SWSAP1: variants seen among roughly 807,000 people sequenced by gnomAD.
SWSAP1 encodes SWIM-type zinc finger 7 associated protein 1, also known as ATPase SWSAP1.
In SWSAP1, 4 loss-of-function variants were observed where a neutral mutation model predicts 5.6. That is an observed-to-expected ratio of 0.72 (90% confidence interval 0.35 to 1.64). The LOEUF (loss-of-function observed/expected upper bound fraction) is 1.64, where lower values mean the gene tolerates loss of function less well. SWSAP1 is among the 40% of genes most tolerant of loss of function. The probability of loss-of-function intolerance (pLI) is 0.05; values close to 1 mark genes in which losing one functional copy is unlikely to be tolerated. For missense variants in SWSAP1, 354 were observed against 319.8 expected, an observed-to-expected ratio of 1.11 and a Z score of -0.82; for synonymous variants, 139 against 143.3, an observed-to-expected ratio of 0.97 and a Z score of 0.22.
At position 11,374,690 on chromosome 19, in the gene SWSAP1, A is replaced by G. The variant is rs1968253796; in HGVS notation, c.10A>G (p.Thr4Ala). 1 of 1,539,092 alleles carries G rather than the reference A, an allele frequency of 6.5e-7. No homozygotes were observed. The highest frequency in any genetic ancestry group is 2.3e-5 in the Admixed American group (1 of 44,396). Residue 4 changes from threonine (T) to alanine (A), a missense_variant, in exon 1 of 2, where the codon ACG (threonine) becomes GCG (alanine). Thr to Ala is a moderately conservative substitution (Grantham distance 58, BLOSUM62 0). Transcript: ENST00000674460. MAE[T>A]LRRVLTRGGA... ...CAGAGCTACGCGGCGAATGGCGGAG[A>G]CGCTGAGGCGGGTGCTAACCAGGGG...
At position 11,376,019 on chromosome 19, in the gene SWSAP1, T is replaced by G. The variant is rs1407281350; in HGVS notation, c.*3T>G. The G allele has an allele frequency of 1.3e-6, 2 of 1,584,306 alleles. No homozygotes were observed. The highest frequency in any genetic ancestry group is 3.5e-5 in the Admixed American group (2 of 57,004). On this transcript the variant is annotated 3_prime_UTR_variant, in exon 2 of 2. Transcript: ENST00000674460. ...CAAGCTCTGGAGGCCAGCCCTGAGC[T>G]TTGGTGGGTGACTACCTCTCTGTGC...
At chr19:11,375,069 G>C in intron 1 of SWSAP1, 140 bp downstream of exon 1, 3 of 1,076,400 alleles carry the variant, frequency 2.8e-6, no homozygotes, top group Non-Finnish European at 4.1e-6. Context: ...AGTCAGGCAG[G>C]CGGAGTGAGG....
At chr19:11,375,084 G>A in intron 1 of SWSAP1, 155 bp downstream of exon 1, 1 of 925,016 alleles carries the variant, frequency 1.1e-6, no homozygotes. Flanking sequence ...GTGAGGAGTG[G>A]CACCACGCGG....
Position 11,374,731 on chromosome 19 carries a change from C to T in SWSAP1, c.51C>T (p.Ser17=), listed in dbSNP as rs757264686. Residue 17 remains serine, a synonymous_variant, in exon 1 of 2, where the codon TCC becomes TCT. Coordinates refer to ENST00000674460, the MANE Select transcript of SWSAP1 (RefSeq NM_175871.4). ...TAACCAGGGGCGGTGCGGCCTGGTC[C>T]GGGGAGGAGAACATGCCTGCCGCCG... ...RVLTRGGAAW[S]GEENMPAAGP... 12 of 1,604,616 alleles carry T rather than the reference C, an allele frequency of 7.5e-6. No individual in the cohort carries two copies. The highest frequency in any genetic ancestry group is 9.3e-6 in the Non-Finnish European group (11 of 1,176,588).
Position 11,374,851 on chromosome 19 carries a change from A to C in SWSAP1, c.171A>C (p.Pro57=), listed in dbSNP as rs773973835. The C allele has an allele frequency of 6.2e-7, 1 of 1,612,440 alleles. No homozygotes were observed. Among genetic ancestry groups the C allele is most frequent in the Non-Finnish European group, 8.5e-7 (1 of 1,179,196 alleles). ...AGGCGGCGGGGGAGGGCCAAGGCCC[A>C]GTCCTCTTCCTGACACGAAGGCCTC... is the stretch of plus-strand genomic sequence containing the variant. ...ALEAAGEGQG[P]VLFLTRRPLQ... Residue 57 remains proline, a synonymous_variant, in exon 1 of 2, where the codon CCA becomes CCC. Coordinates refer to ENST00000674460, the MANE Select transcript of SWSAP1 (RefSeq NM_175871.4).
At position 11,374,822 on chromosome 19, in the gene SWSAP1, C is replaced by G. The variant is rs750042934; in HGVS notation, c.142C>G (p.Leu48Val). 8 of 1,614,010 alleles carry G rather than the reference C, an allele frequency of 5.0e-6. No homozygotes were observed. The South Asian group carries it at 7.7e-5, about 16-fold the overall frequency. Reference protein sequence around the residue: ...GKTALLFAAALEAAGEGQGPV... With the variant: ...GKTALLFAAAVEAAGEGQGPV... ...AACAGCGCTGCTATTTGCTGCGGCCCTAGAGGCGGCGGGGGAGGGCCAAGG... is the reference window on the plus strand; with the variant it reads ...AACAGCGCTGCTATTTGCTGCGGCCGTAGAGGCGGCGGGGGAGGGCCAAGG... Residue 48 changes from leucine (L) to valine (V), a missense_variant, in exon 1 of 2, where the codon CTA (leucine) becomes GTA (valine). Coordinates refer to ENST00000674460, the MANE Select transcript of SWSAP1 (RefSeq NM_175871.4).
Position 11,374,865 on chromosome 19 carries a change from C to T in SWSAP1, c.185C>T (p.Thr62Ile), listed in dbSNP as rs760367345. 1.7e-5 allele frequency: 27 copies of T among 1,614,028 alleles called. No homozygotes were observed. Among genetic ancestry groups the T allele is most frequent in the Non-Finnish European group, 2.2e-5 (26 of 1,180,042 alleles). Residue 62 changes from threonine to isoleucine, a missense_variant, in exon 1 of 2, where the codon ACA becomes ATA. Transcript: ENST00000674460. ...GEGQGPVLFL[T>I]RRPLQSMPRG... ...GGCCAAGGCCCAGTCCTCTTCCTGA[C>T]ACGAAGGCCTCTTCAAAGCATGCCC...
At chr19:11,374,990 G>A in intron 1 of SWSAP1, 61 bp downstream of exon 1, 1 of 1,590,852 alleles carries the variant, frequency 6.3e-7, no homozygotes, top group South Asian at 1.1e-5. Context: ...CCGGGATATT[G>A]AGTAACAGGT....
chr19:11,374,702 G>C lies in SWSAP1; in HGVS notation c.22G>C (p.Val8Leu), dbSNP rs775632539. Residue 8 changes from valine to leucine, a missense_variant, in exon 1 of 2, where the codon GTG becomes CTG. Coordinates refer to ENST00000674460, the MANE Select transcript of SWSAP1 (RefSeq NM_175871.4). The part of the protein sequence containing the change: MAETLRR[V>L]LTRGGAAWSG... The stretch of plus-strand genomic sequence containing the variant: ...GCGAATGGCGGAGACGCTGAGGCGG[G>C]TGCTAACCAGGGGCGGTGCGGCCTG... The C allele has an allele frequency of 2.6e-6, 4 of 1,566,974 alleles. No individual in the cohort carries two copies. The highest frequency in any genetic ancestry group is 2.3e-5 in the South Asian group (2 of 87,644).
Position 11,375,712 on chromosome 19 carries a change from T to G in SWSAP1, c.449T>G (p.Leu150Arg). The G allele has an allele frequency of 1.9e-6, 3 of 1,614,230 alleles. No individual in the cohort carries two copies. Among genetic ancestry groups the G allele is most frequent in the Non-Finnish European group, 2.5e-6 (3 of 1,180,026 alleles). The change falls in exon 2 of 2, where the codon CTT (leucine) becomes CGT (arginine). Residue 150 changes from leucine (L) to arginine (R), a missense_variant. Coordinates refer to ENST00000674460, the MANE Select transcript of SWSAP1 (RefSeq NM_175871.4). ...ACAGCTGCCCACTTCAGCCACCGGCTTGGGCCTGGCCGGGATTGTGGGCTC... is the reference window on the plus strand; with the variant it reads ...ACAGCTGCCCACTTCAGCCACCGGCGTGGGCCTGGCCGGGATTGTGGGCTC... ...LDTAAHFSHR[L>R]GPGRDCGLMV...
chr19:11,374,802 C>T lies in SWSAP1; in HGVS notation c.122C>T (p.Ala41Val). The part of the protein sequence containing the change: ...LLGTPGSGKT[A>V]LLFAAALEAA... ...GGTACACCAGGATCTGGAAAAACAG[C>T]GCTGCTATTTGCTGCGGCCCTAGAG... The change falls in exon 1 of 2, where the codon GCG becomes GTG. Residue 41 changes from alanine (A) to valine (V), a missense_variant. By Grantham distance (64) the Ala-to-Val change is moderately conservative (BLOSUM62 0). Coordinates refer to ENST00000674460, the MANE Select transcript of SWSAP1 (RefSeq NM_175871.4). 10 of 1,613,808 alleles carry T rather than the reference C, an allele frequency of 6.2e-6. No individual in the cohort carries two copies. The highest frequency in any genetic ancestry group is 8.5e-6 in the Non-Finnish European group (10 of 1,179,908).
chr19:11,375,052 G>T, intron 1 of SWSAP1, 123 bp downstream of exon 1: 8 of 1,288,534 alleles, frequency 6.2e-6, no homozygotes, highest in Non-Finnish European at 8.7e-6. Flanking sequence ...CAGCCACGAT[G>T]GGGCGGAGTC....
At chr19:11,375,459 G>A in intron 1 of SWSAP1, 54 bp from the exon 2 acceptor site, 39 of 1,544,760 alleles carry the variant, frequency 2.5e-5, no homozygotes, top group Non-Finnish European at 3.3e-5. Context: ...TTACTTTTAA[G>A]GAGTCTGGCT....
chr19:11,374,847 G>T lies in SWSAP1; in HGVS notation c.167G>T (p.Gly56Val). ...AALEAAGEGQ[G>V]PVLFLTRRPL... is the part of the protein sequence containing the mutation. ...CTAGAGGCGGCGGGGGAGGGCCAAG[G>T]CCCAGTCCTCTTCCTGACACGAAGG... The change falls in exon 1 of 2, where the codon GGC (glycine) becomes GTC (valine). Residue 56 changes from glycine (G) to valine (V), a missense_variant. Coordinates refer to ENST00000674460, the MANE Select transcript of SWSAP1 (RefSeq NM_175871.4). 6.2e-7 allele frequency: 1 copy of T among 1,613,892 alleles called. No individual in the cohort carries two copies. The highest frequency in any genetic ancestry group is 8.5e-7 in the Non-Finnish European group (1 of 1,179,986).
In SWSAP1 at chr19:11,375,608, G is replaced by A; in HGVS notation, c.345G>A (p.Leu115=). ...EAPGPAPSLL[L]LDGLEEYLAE... ...CGGGGCCAGCCCCCTCCCTTCTGCT[G>A]CTCGACGGCCTAGAAGAGTACCTAG... is the stretch of plus-strand genomic sequence containing the variant. Residue 115 remains leucine, a synonymous_variant, in exon 2 of 2, where the codon CTG becomes CTA. Transcript: ENST00000674460. The A allele has an allele frequency of 6.2e-7, 1 of 1,614,126 alleles. No individual in the cohort carries two copies.
Position 11,374,872 on chromosome 19 carries a change from G to T in SWSAP1, c.192G>T (p.Arg64Ser). 3.1e-6 allele frequency: 5 copies of T among 1,614,018 alleles called. No individual in the cohort carries two copies. The highest frequency in any genetic ancestry group is 4.2e-6 in the Non-Finnish European group (5 of 1,180,034). Residue 64 changes from arginine (R) to serine (S), a missense_variant, in exon 1 of 2, where the codon AGG (arginine) becomes AGT (serine). Transcript: ENST00000674460. The part of the protein sequence containing the change: ...GQGPVLFLTR[R>S]PLQSMPRGTG... ...GCCCAGTCCTCTTCCTGACACGAAGGCCTCTTCAAAGCATGCCCCGCGGGA... is the reference window on the plus strand; with the variant it reads ...GCCCAGTCCTCTTCCTGACACGAAGTCCTCTTCAAAGCATGCCCCGCGGGA...
At chr19:11,375,179 A>G (rs1402200557) in intron 1 of SWSAP1, among the ~76,000 whole-genome samples, 7 of 152,280 alleles carry the variant, frequency 4.6e-5, no homozygotes, top group African/African-American at 9.6e-5. Flanking sequence ...AGTCCGGCCC[A>G]TCAAGGGGCG....
At position 11,374,843 on chromosome 19, in the gene SWSAP1, C is replaced by G; in HGVS notation, c.163C>G (p.Gln55Glu). The G allele has an allele frequency of 6.2e-7, 1 of 1,613,652 alleles. No homozygotes were observed. Among genetic ancestry groups the G allele is most frequent in the South Asian group, 1.1e-5 (1 of 91,076 alleles). The change falls in exon 1 of 2, where the codon CAA becomes GAA. Residue 55 changes from glutamine (Q) to glutamate (E), a missense_variant. Coordinates refer to ENST00000674460, the MANE Select transcript of SWSAP1 (RefSeq NM_175871.4). ...GGCCCTAGAGGCGGCGGGGGAGGGC[C>G]AAGGCCCAGTCCTCTTCCTGACACG... The part of the protein sequence containing the change: ...AAALEAAGEG[Q>E]GPVLFLTRRP...
Position 11,374,706 on chromosome 19 carries a change from T to C in SWSAP1, c.26T>C (p.Leu9Pro), listed in dbSNP as rs764979293. The C allele has an allele frequency of 6.4e-7, 1 of 1,570,866 alleles. No individual in the cohort carries two copies. Among genetic ancestry groups the C allele is most frequent in the East Asian group, 2.3e-5 (1 of 43,984 alleles). ...ATGGCGGAGACGCTGAGGCGGGTGC[T>C]AACCAGGGGCGGTGCGGCCTGGTCC... MAETLRRV[L>P]TRGGAAWSGE... The change falls in exon 1 of 2, where the codon CTA becomes CCA. Residue 9 changes from leucine to proline, a missense_variant. Coordinates refer to ENST00000674460, the MANE Select transcript of SWSAP1 (RefSeq NM_175871.4).
Sources: allele counts gnomAD v4.1 joint callset (sites outside exome capture counted in the v4.1 genomes callset), GRCh38; gene constraint gnomAD v4.1.1; transcripts MANE v1.5; gene names NCBI Gene and HGNC (gene_info 2026-07-23, HGNC 2026-07-21).